The following MEGF10 variants were observed in gnomAD, a reference collection of about 807,000 sequenced individuals.
MEGF10 encodes multiple epidermal growth factor-like domains protein 10.
MEGF10 carries 86 observed loss-of-function variants against 147.5 expected under a neutral mutation model. The ratio of observed to expected loss-of-function variants is 0.58; its 90% CI spans 0.49 to 0.70. MEGF10 has a LOEUF of 0.70. MEGF10 is among the 30% of genes least tolerant of loss of function. MEGF10 has a pLI of 0.00. For synonymous variants in MEGF10, 478 were observed against 525.5 expected, an observed-to-expected ratio of 0.91 and a Z score of 1.24; for missense variants, 1,329 against 1,487.3, an observed-to-expected ratio of 0.89 and a Z score of 1.75.
intron 12 of MEGF10, among the ~76,000 whole-genome samples, chr5:127,420,902 G>GGT (rs1406639982): frequency 6.6e-6 from 1 of 152,088 alleles, no homozygotes; most frequent in African/African-American, 2.4e-5. Context: ...TTCTCTCTGT[G>GGT]GTGTGTGTTC....
At position 127,371,001 on chromosome 5, in the gene MEGF10, TA is replaced by T. The variant is rs1762826260; in HGVS notation, c.412+1004del. 1.3e-5 allele frequency among the ~76,000 whole-genome samples: 2 copies of T among 152,224 alleles called. 1 individual carries two copies. Among genetic ancestry groups the T allele is most frequent in the South Asian group, 4.1e-4 (2 of 4,836 alleles). On this transcript the variant is annotated intron_variant, in intron 5 of 24. Transcript: ENST00000503335. ...TGGACTTATTTCAATAAGCTGATTTTAAAAATTTTTACTTGCTTATTTTGGA... is the reference window on the plus strand; with the variant it reads ...TGGACTTATTTCAATAAGCTGATTTTAAAATTTTTACTTGCTTATTTTGGA...
intron 21 of MEGF10, 128 bp from the exon 22 acceptor site, chr5:127,448,971 C>T: frequency 8.1e-7 from 1 of 1,231,194 alleles, no homozygotes; most frequent in Non-Finnish European, 1.1e-6. Context: ...TCACCTCGGC[C>T]CCTGAGCTCA....
In MEGF10 at chr5:127,443,589, A is replaced by G. The variant is rs74941307; in HGVS notation, c.2491+463A>G. On this transcript the variant is annotated intron_variant, in intron 19 of 24. Transcript: ENST00000503335. The stretch of plus-strand genomic sequence containing the variant: ...CATGTGTTTCCTCATGCCCCTCCCT[A>G]CTTCTACCACCCCTTAAGCCCCAGG... Among the ~76,000 whole-genome samples the G allele has an allele frequency of 5.2e-3, 796 of 152,196 alleles. 10 individuals are homozygous for G. The highest frequency in any genetic ancestry group is 0.018 in the African/African-American group (760 of 41,520).
the MEGF10 span, among the ~76,000 whole-genome samples, chr5:127,233,772 A>C: frequency 4.6e-4 from 70 of 152,298 alleles, no homozygotes; most frequent in African/African-American, 1.7e-3. Flanking sequence ...TGTCATGGCC[A>C]GCTTAACTCT....
chr5:127,281,839 C>T, the MEGF10 span, among the ~76,000 whole-genome samples: 1 of 152,226 alleles, frequency 6.6e-6, no homozygotes, highest in Non-Finnish European at 1.5e-5. Context: ...CTTCTGCCCC[C>T]TCCACCTTCA....
chr5:127,280,456 T>C, the MEGF10 span, among the ~76,000 whole-genome samples: 1 of 152,144 alleles, frequency 6.6e-6, no homozygotes, highest in Non-Finnish European at 1.5e-5. Flanking sequence ...CTTGTCTTGG[T>C]TTCATAATAG....
chr5:127,250,099 C>T, the MEGF10 span, among the ~76,000 whole-genome samples: 2 of 151,918 alleles, frequency 1.3e-5, no homozygotes, highest in Non-Finnish European at 2.9e-5. Context: ...CCCATTTAAA[C>T]GATAGCAAAT....
chr5:127,388,424 C>T (rs1763516756), intron 5 of MEGF10, among the ~76,000 whole-genome samples: 1 of 152,144 alleles, frequency 6.6e-6, no homozygotes, highest in South Asian at 2.1e-4. Context: ...GCTGGAATTA[C>T]AAGCGTAAGC....
intron 7 of MEGF10, among the ~76,000 whole-genome samples, chr5:127,399,505 A>C (rs543213422): frequency 6.6e-6 from 1 of 152,310 alleles, no homozygotes; most frequent in South Asian, 2.1e-4. Flanking sequence ...CAGATGAGTG[A>C]GCAACCAATA....
chr5:127,434,879 G>C lies in MEGF10; in HGVS notation c.1975+58G>C, dbSNP rs143404241. 2.9e-3 allele frequency: 4,592 copies of C among 1,564,178 alleles called. 12 individuals are homozygous for C. The highest frequency in any genetic ancestry group is 8.1e-3 in the Middle Eastern group (46 of 5,674). On this transcript the variant is annotated intron_variant, in intron 15 of 24. Coordinates refer to ENST00000503335, the MANE Select transcript of MEGF10 (RefSeq NM_001256545.2). ...GTGATGAGCACGCCCCGGAGAGTCTGTCCTCAGGCCTCCCCTTGGCCTTCC... is the reference window on the plus strand; with the variant it reads ...GTGATGAGCACGCCCCGGAGAGTCTCTCCTCAGGCCTCCCCTTGGCCTTCC...
the MEGF10 span, among the ~76,000 whole-genome samples, chr5:127,256,085 C>A: frequency 6.6e-6 from 1 of 152,160 alleles, no homozygotes; most frequent in South Asian, 2.1e-4. Flanking sequence ...ACTGCCCTAA[C>A]CAAAGCCTGG....
intron 13 of MEGF10, among the ~76,000 whole-genome samples, chr5:127,423,171 A>G (rs80217965): frequency 0.019 from 2,844 of 152,356 alleles, 55 homozygotes; most frequent in South Asian, 0.079. Context: ...GAATATGCAT[A>G]TGCATATTAT....
rs911326558 is a variant in MEGF10, at chr5:127,433,566, G to A, written c.1840+57G>A. On this transcript the variant is annotated intron_variant, in intron 14 of 24. Transcript: ENST00000503335. ...TTCCCTTCCCTGGGCACCATGTATC[G>A]AATAATGATCTCTGTCCCACCTCTC... The A allele has an allele frequency of 2.1e-5, 32 of 1,539,168 alleles. No individual in the cohort carries two copies. In the South Asian group the frequency reaches 2.3e-4, roughly 11 times the overall value.
chr5:127,388,517 TTTTATTTATTTATTTA>T (rs368047649), intron 5 of MEGF10, among the ~76,000 whole-genome samples: 74 of 142,044 alleles, frequency 5.2e-4, no homozygotes, highest in African/African-American at 7.5e-4. Flanking sequence ...TCTTTTTTCT[TTTTATTTATTTATTTA>T]TTTATTTATT....
chr5:127,251,918 A>G, the MEGF10 span, among the ~76,000 whole-genome samples: 6 of 152,136 alleles, frequency 3.9e-5, no homozygotes, highest in African/African-American at 4.8e-5. Context: ...GTAAGCATCA[A>G]TAGGAAAATA....
chr5:127,251,792 A>G, the MEGF10 span, among the ~76,000 whole-genome samples: 3 of 152,038 alleles, frequency 2.0e-5, no homozygotes, highest in South Asian at 6.2e-4. Flanking sequence ...ATAATCAAAT[A>G]TTTAAATACA....
At chr5:127,398,531 G>C in intron 6 of MEGF10, 145 bp from the exon 7 acceptor site, 1 of 956,412 alleles carries the variant, frequency 1.0e-6, no homozygotes, top group Non-Finnish European at 1.6e-6. Flanking sequence ...CAGGCAATAT[G>C]ATTAATGTTC....
the MEGF10 span, among the ~76,000 whole-genome samples, chr5:127,268,712 T>C: frequency 6.6e-6 from 1 of 152,196 alleles, no homozygotes; most frequent in Non-Finnish European, 1.5e-5. Context: ...GACTTAAATG[T>C]CCCTGTCTGA....
At chr5:127,347,888 G>T (rs1352458084) in intron 4 of MEGF10, among the ~76,000 whole-genome samples, 2 of 151,972 alleles carry the variant, frequency 1.3e-5, no homozygotes, top group Non-Finnish European at 2.9e-5. Context: ...TGTAAGATGG[G>T]TTCTCATGCC....
Sources: gnomAD v4.1 joint callset for allele counts (sites outside exome capture counted in the v4.1 genomes callset) on GRCh38, gnomAD v4.1.1 for gene constraint, MANE v1.5 for transcripts, NCBI Gene and HGNC (gene_info 2026-07-23, HGNC 2026-07-21) for gene names.